Variants in ENTHD1 observed in about 807,000 individuals in gnomAD.
ENTHD1 encodes ENTH domain-containing protein 1.
A neutral mutation model predicts 39.1 loss-of-function variants in ENTHD1; 23 were observed. The observed-to-expected ratio is 0.59, with a 90% CI of 0.42 to 0.83. ENTHD1 has a LOEUF of 0.83. Ranked by LOEUF, ENTHD1 falls within the 40% of genes least tolerant of loss-of-function variation. The pLI is 0.00. For synonymous variants in ENTHD1, 230 were observed against 258.2 expected (o/e 0.89, Z 1.05); for missense variants, 624 against 705.4 (o/e 0.88, Z 1.31).
intron 6 of ENTHD1, among the ~76,000 whole-genome samples, chr22:39,753,815 C>G (rs921073781): frequency 2.6e-5 from 4 of 152,152 alleles, no homozygotes; most frequent in Non-Finnish European, 5.9e-5. Context: ...TCCTCTGAAA[C>G]CTGTTTTCCA....
intron 5 of ENTHD1, among the ~76,000 whole-genome samples, chr22:39,782,433 G>A (rs2146587598): frequency 6.6e-6 from 1 of 151,382 alleles, no homozygotes; most frequent in East Asian, 1.9e-4. Flanking sequence ...AAAAACTGAA[G>A]AGGAGAGAAT....
chr22:39,846,410 C>T lies in ENTHD1; in HGVS notation c.593-10452G>A, dbSNP rs920089695. ...GAGACAGGGTCAGATGAGTAGGTTGCGAAAATTTTCTCCCATTTTGTAGAT... is the reference window on the plus strand; with the variant it reads ...GAGACAGGGTCAGATGAGTAGGTTGTGAAAATTTTCTCCCATTTTGTAGAT... On this transcript the variant is annotated intron_variant, in intron 3 of 6. Coordinates refer to ENST00000325157, the MANE Select transcript of ENTHD1 (RefSeq NM_152512.4). 3.3e-5 allele frequency among the ~76,000 whole-genome samples: 5 copies of T among 152,152 alleles called. No homozygotes were observed. In the East Asian group the frequency reaches 5.8e-4, roughly 18 times the overall value.
chr22:39,807,997 CTG>C (rs1211511225), intron 5 of ENTHD1, among the ~76,000 whole-genome samples: 9 of 152,068 alleles, frequency 5.9e-5, no homozygotes, highest in Non-Finnish European at 1.3e-4. Context: ...AGCGTAGGCT[CTG>C]GGGTTACACC....
rs112899841 is a variant in ENTHD1 at position 39,778,457 on chromosome 22, C to T, written c.833-12848G>A. Among the ~76,000 whole-genome samples the T allele has an allele frequency of 3.0e-4, 46 of 152,238 alleles. 1 individual carries two copies. Among genetic ancestry groups the T allele is most frequent in the African/African-American group, 9.6e-4 (40 of 41,548 alleles). On this transcript the variant is annotated intron_variant, in intron 5 of 6. Transcript: ENST00000325157. The stretch of plus-strand genomic sequence containing the variant: ...AGACCACTAATACACTTTTAAACTT[C>T]GACACAGAGTAAAAATCACGTCTAA...
chr22:39,819,444 T>C (rs1413206284), intron 5 of ENTHD1, among the ~76,000 whole-genome samples: 1 of 149,140 alleles, frequency 6.7e-6, no homozygotes, highest in Non-Finnish European at 1.5e-5. Context: ...CGTGAAAAGA[T>C]ATGGAGGAAC....
chr22:39,891,046 GAC>G (rs2066422741), intron 1 of ENTHD1, among the ~76,000 whole-genome samples: 2 of 152,178 alleles, frequency 1.3e-5, no homozygotes, highest in South Asian at 4.1e-4. Context: ...ATTGACATGA[GAC>G]AAAATTAGTG....
At chr22:39,843,537 C>T (rs1025829171) in intron 3 of ENTHD1, among the ~76,000 whole-genome samples, 4 of 151,854 alleles carry the variant, frequency 2.6e-5, no homozygotes, top group Middle Eastern at 6.8e-3. Context: ...GTGCAGCGCA[C>T]CAGCGTGGCA....
intron 5 of ENTHD1, among the ~76,000 whole-genome samples, chr22:39,789,734 C>T (rs1190351725): frequency 6.6e-6 from 1 of 151,966 alleles, no homozygotes; most frequent in Non-Finnish European, 1.5e-5. Flanking sequence ...CAAATGTGAA[C>T]AACTGAACAA....
chr22:39,883,021 AAAAG>A (rs1212632523), intron 2 of ENTHD1, among the ~76,000 whole-genome samples: 36 of 151,078 alleles, frequency 2.4e-4, no homozygotes, highest in South Asian at 6.3e-4. Context: ...AAAAAAAAAA[AAAAG>A]AAAGAAAGAA....
intron 5 of ENTHD1, among the ~76,000 whole-genome samples, chr22:39,774,024 C>G (rs1025085883): frequency 5.3e-5 from 8 of 152,174 alleles, no homozygotes; most frequent in African/African-American, 1.4e-4. Context: ...TACGAGTGCA[C>G]AGTGCACACA....
chr22:39,862,277 C>T (rs1002979190), intron 2 of ENTHD1, among the ~76,000 whole-genome samples: 1 of 151,750 alleles, frequency 6.6e-6, no homozygotes, highest in Non-Finnish European at 1.5e-5. Context: ...TGGCTGGGTG[C>T]GGTGGCTCAT....
At chr22:39,747,713 A>G (rs1233955126) in intron 6 of ENTHD1, among the ~76,000 whole-genome samples, 1 of 152,108 alleles carries the variant, frequency 6.6e-6, no homozygotes, top group East Asian at 1.9e-4. Flanking sequence ...TAATAATAAT[A>G]CCTTCCATTA....
chr22:39,810,806 C>A (rs6001686), intron 5 of ENTHD1, among the ~76,000 whole-genome samples: 32,765 of 152,114 alleles, frequency 0.22, 4,004 homozygotes, highest in African/African-American at 0.31. Context: ...TCAACCTAGA[C>A]ACTTTCCTAA....
Position 39,743,787 on chromosome 22 carries a change from T to C in ENTHD1, c.1716A>G (p.Glu572=), listed in dbSNP as rs1305868389. Residue 572 remains glutamate (E), a synonymous_variant, in exon 7 of 7, where the codon GAA becomes GAG. Coordinates refer to ENST00000325157, the MANE Select transcript of ENTHD1 (RefSeq NM_152512.4). ...TCAAGATGTTATTGATGACATTAAG[T>C]TCTTGGATCACTGTGCTCAGATCTT... is the stretch of plus-strand genomic sequence containing the variant. ...LHEDLSTVIQ[E]LNVINNILMS... 7 of 1,614,034 alleles carry C rather than the reference T, an allele frequency of 4.3e-6. No homozygotes were observed. Among genetic ancestry groups the C allele is most frequent in the Non-Finnish European group, 5.9e-6 (7 of 1,180,020 alleles).
intron 6 of ENTHD1, 47 bp from the exon 7 acceptor site, chr22:39,744,330 G>C (rs1039634295): frequency 2.7e-6 from 4 of 1,485,676 alleles, no homozygotes; most frequent in Non-Finnish European, 3.6e-6. Flanking sequence ...ACATACAAAT[G>C]AGAGTAATAG....
intron 6 of ENTHD1, among the ~76,000 whole-genome samples, chr22:39,760,374 T>C (rs556478326): frequency 6.6e-5 from 10 of 152,064 alleles, no homozygotes; most frequent in Non-Finnish European, 1.5e-4. Context: ...TATGTATCAA[T>C]ATGAAATGTT....
At chr22:39,881,107 G>A (rs1207784871) in intron 2 of ENTHD1, among the ~76,000 whole-genome samples, 1 of 152,174 alleles carries the variant, frequency 6.6e-6, no homozygotes, top group Non-Finnish European at 1.5e-5. Flanking sequence ...CAGTAAACAT[G>A]CTTGCTAATA....
At chr22:39,819,706 A>C (rs1429082173) in intron 5 of ENTHD1, among the ~76,000 whole-genome samples, 1 of 152,146 alleles carries the variant, frequency 6.6e-6, no homozygotes, top group Non-Finnish European at 1.5e-5. Context: ...AATATATAAC[A>C]CCAAAAGGGA....
At chr22:39,790,683 GTTTCCCAGGTT>G (rs1239684029) in intron 5 of ENTHD1, among the ~76,000 whole-genome samples, 4 of 152,164 alleles carry the variant, frequency 2.6e-5, no homozygotes, top group Non-Finnish European at 4.4e-5. Context: ...CAGATCGTCT[GTTTCCCAGGTT>G]AGAATCAGAC....
Sources: allele counts gnomAD v4.1 joint callset (sites outside exome capture counted in the v4.1 genomes callset), GRCh38; gene constraint gnomAD v4.1.1; transcripts MANE v1.5; gene names NCBI Gene and HGNC (gene_info 2026-07-23, HGNC 2026-07-21).